The following ZNF267 variants were observed in gnomAD, a reference collection of about 807,000 sequenced individuals.
The protein encoded by ZNF267 is zinc finger protein 267, also known as zinc finger (C2H2).
Under a neutral mutation model 71.6 loss-of-function variants are expected in ZNF267, and 61 were observed. The ratio of observed to expected loss-of-function variants is 0.85; its 90% CI spans 0.69 to 1.05. ZNF267 has a LOEUF of 1.05. ZNF267 is among the 50% of genes least tolerant of loss of function. The probability of loss-of-function intolerance (pLI) is 0.00; values close to 1 mark genes in which losing one functional copy is unlikely to be tolerated. For missense variants in ZNF267, 852 were observed against 870.0 expected (o/e 0.98, Z 0.26); for synonymous variants, 288 against 293.2 (o/e 0.98, Z 0.18).
chr16:31,906,743 C>T (rs2084093884), intron 3 of ZNF267, among the ~76,000 whole-genome samples: 1 of 152,076 alleles, frequency 6.6e-6, no homozygotes, highest in South Asian at 2.1e-4. Context: ...GGCAGTGCCT[C>T]ACCCTGCTTC....
chr16:31,901,331 G>C (rs1366393074), intron 3 of ZNF267, among the ~76,000 whole-genome samples: 1 of 152,122 alleles, frequency 6.6e-6, no homozygotes, highest in African/African-American at 2.4e-5. Context: ...TGGGATGGCT[G>C]GGTCAAATGG....
At chr16:31,894,979 CA>C (rs1053480217) in intron 3 of ZNF267, 4 of 328,162 alleles carry the variant, frequency 1.2e-5, no homozygotes, top group African/African-American at 9.0e-5. Context: ...GCATGCAGAC[CA>C]TCAATTGTTC....
Position 31,916,650 on chromosome 16 carries a change from A to G in ZNF267, c.*169A>G, listed in dbSNP as rs917810465. On this transcript the variant is annotated 3_prime_UTR_variant, in exon 4 of 4. Transcript: ENST00000300870. ...ATATAAACTGAAAAAATCCATACAA[A>G]TATTAAAAATGTGGCAAATTATTTT... 5.5e-6 allele frequency: 4 copies of G among 730,618 alleles called. No homozygotes were observed. In the African/African-American group the frequency reaches 7.1e-5, roughly 13 times the overall value. The allele number at this position is 730,618 out of a possible 1,614,324, so 45.3% of individuals were successfully genotyped here. A position where few individuals can be genotyped will look rare whatever the true frequency, so the allele number is the denominator to read the frequency against.
At chr16:31,878,542 C>T (rs1444944214) in intron 1 of ZNF267, among the ~76,000 whole-genome samples, 2 of 152,224 alleles carry the variant, frequency 1.3e-5, no homozygotes, top group Non-Finnish European at 2.9e-5. Context: ...ATCCCAGACA[C>T]TGAATCCGTA....
intron 3 of ZNF267, among the ~76,000 whole-genome samples, chr16:31,899,722 CTG>C (rs1334698047): frequency 3.3e-5 from 5 of 152,128 alleles, no homozygotes; most frequent in African/African-American, 1.2e-4. Context: ...GTCTGCATAC[CTG>C]TATGTATTTC....
chr16:31,885,629 G>C (rs895752411), intron 3 of ZNF267, among the ~76,000 whole-genome samples: 2 of 152,228 alleles, frequency 1.3e-5, no homozygotes, highest in Non-Finnish European at 2.9e-5. Flanking sequence ...CATGTCAGAA[G>C]TGTGTGAGGA....
intron 3 of ZNF267, among the ~76,000 whole-genome samples, chr16:31,896,970 A>G (rs1000496547): frequency 2.6e-5 from 4 of 152,014 alleles, no homozygotes; most frequent in Admixed American, 6.6e-5. Context: ...GTTTTAATGT[A>G]GGAATATTTC....
intron 3 of ZNF267, chr16:31,894,791 G>T (rs2083985573): frequency 4.0e-6 from 2 of 501,976 alleles, no homozygotes; most frequent in Admixed American, 2.3e-5. Flanking sequence ...TCCTTTCAAG[G>T]AGCTGTTCCC....
chr16:31,879,457 G>A (rs984096615), intron 1 of ZNF267, among the ~76,000 whole-genome samples: 4 of 152,112 alleles, frequency 2.6e-5, no homozygotes, highest in Non-Finnish European at 4.4e-5. Flanking sequence ...AGTTTTTCTG[G>A]GGTTGGAGAT....
intron 1 of ZNF267, chr16:31,874,246 G>A: frequency 2.3e-6 from 1 of 438,462 alleles, no homozygotes; most frequent in Non-Finnish European, 4.1e-6. Context: ...GCAGCCCCGC[G>A]TCTCCCCCAG....
chr16:31,895,414 C>G lies in ZNF267; in HGVS notation c.226+10158C>G, dbSNP rs1159361868. 2.6e-5 allele frequency among the ~76,000 whole-genome samples: 4 copies of G among 152,130 alleles called. No individual in the cohort carries two copies. In the East Asian group the frequency reaches 5.8e-4, roughly 22 times the overall value. ...TATATCTTGGCTATTATAAATAGTG[C>G]TGCAATAAACATGGGAATGCAGATA... On this transcript the variant is annotated intron_variant, in intron 3 of 3. Coordinates refer to ENST00000300870, the MANE Select transcript of ZNF267 (RefSeq NM_003414.6).
At chr16:31,886,790 ATAT>A (rs1210656991) in intron 3 of ZNF267, among the ~76,000 whole-genome samples, 3 of 152,202 alleles carry the variant, frequency 2.0e-5, no homozygotes, top group Admixed American at 6.5e-5. Flanking sequence ...TGTCTGAATA[ATAT>A]TCTATATATT....
chr16:31,874,184 C>A, intron 1 of ZNF267: 1 of 527,834 alleles, frequency 1.9e-6, no homozygotes, highest in Non-Finnish European at 3.4e-6. Context: ...CATCCCGACC[C>A]CGCAGAGCGA....
At chr16:31,890,457 G>A (rs921959864) in intron 3 of ZNF267, among the ~76,000 whole-genome samples, 1 of 152,182 alleles carries the variant, frequency 6.6e-6, no homozygotes, top group Admixed American at 6.5e-5. Flanking sequence ...TGCATGCACT[G>A]TGGTTTCTAT....
At position 31,916,034 on chromosome 16, in the gene ZNF267, G is replaced by A; in HGVS notation, c.1785G>A (p.Arg595=). ...ACTCCTCAGGTCTTACTGTGCATCGGCGAACTCATACTGGAGAGAAACCCT... is the reference window on the plus strand; with the variant it reads ...ACTCCTCAGGTCTTACTGTGCATCGACGAACTCATACTGGAGAGAAACCCT... The part of the protein sequence containing the change: ...FSDSSGLTVH[R]RTHTGEKPYT... Residue 595 remains arginine, a synonymous_variant, in exon 4 of 4, where the codon CGG becomes CGA. Transcript: ENST00000300870. 2 of 1,613,868 alleles carry A rather than the reference G, an allele frequency of 1.2e-6. No individual in the cohort carries two copies. The highest frequency in any genetic ancestry group is 1.1e-5 in the South Asian group (1 of 91,082).
At chr16:31,890,065 A>G (rs2083949799) in intron 3 of ZNF267, 1 of 152,212 alleles carries the variant, frequency 6.6e-6, no homozygotes, top group Non-Finnish European at 1.5e-5. Context: ...ATCCTGGAGA[A>G]TATTCCATGT....
chr16:31,894,742 G>T (rs2083985156), intron 3 of ZNF267: 1 of 487,276 alleles, frequency 2.1e-6, no homozygotes, highest in South Asian at 1.6e-5. Context: ...TAGCCTGGTG[G>T]TGTTCCTTTC....
intron 1 of ZNF267, among the ~76,000 whole-genome samples, chr16:31,882,367 G>A (rs2083896565): frequency 6.6e-6 from 1 of 152,200 alleles, no homozygotes; most frequent in South Asian, 2.1e-4. Flanking sequence ...AAGTATTTTT[G>A]TTGTGATTAG....
At chr16:31,882,889 G>A (rs143175072) in intron 1 of ZNF267, among the ~76,000 whole-genome samples, 2 of 152,256 alleles carry the variant, frequency 1.3e-5, no homozygotes, top group East Asian at 3.9e-4. Context: ...GTATCTAGGA[G>A]GGAGGATTTA....
Sources: gnomAD v4.1 joint callset for allele counts (sites outside exome capture counted in the v4.1 genomes callset) on GRCh38, gnomAD v4.1.1 for gene constraint, MANE v1.5 for transcripts, NCBI Gene and HGNC (gene_info 2026-07-23, HGNC 2026-07-21) for gene names.